Variants in COLGALT1 observed in about 807,000 individuals in gnomAD.
The protein encoded by COLGALT1 is collagen beta(1-O)galactosyltransferase 1.
COLGALT1 carries 43 observed loss-of-function variants against 60.8 expected under a neutral mutation model. The ratio of observed to expected loss-of-function variants is 0.71; its 90% CI spans 0.55 to 0.91. The LOEUF is 0.91. Among genes scored for constraint, COLGALT1 ranks in the 40% least tolerant of loss-of-function variants. The probability of loss-of-function intolerance (pLI) is 0.00; values close to 1 mark genes in which losing one functional copy is unlikely to be tolerated. For synonymous variants in COLGALT1, 369 were observed against 374.2 expected (o/e 0.99, Z 0.16); for missense variants, 845 against 880.0 (o/e 0.96, Z 0.50).
At chr19:17,560,308 A>T in intron 2 of COLGALT1, 40 bp from the exon 3 acceptor site, 1 of 1,555,988 alleles carries the variant, frequency 6.4e-7, no homozygotes, top group Non-Finnish European at 8.9e-7. Context: ...GGGCTTTGAT[A>T]GTGCCTTGTG....
Position 17,555,717 on chromosome 19 carries a change from G to T in COLGALT1, c.4G>T (p.Ala2Ser), listed in dbSNP as rs1282885686. 2.5e-6 allele frequency: 3 copies of T among 1,190,470 alleles called. No individual in the cohort carries two copies. Among genetic ancestry groups the T allele is most frequent in the African/African-American group, 3.2e-5 (2 of 62,578 alleles). The allele number at this position is 1,190,470 out of a possible 1,614,324, so 73.7% of individuals were successfully genotyped here. A position where few individuals can be genotyped will look rare whatever the true frequency, so the allele number is the denominator to read the frequency against. The change falls in exon 1 of 12, where the codon GCG (alanine) becomes TCG (serine). Residue 2 changes from alanine to serine, a missense_variant. Ala to Ser is a moderately conservative substitution (Grantham distance 99, BLOSUM62 1). Transcript: ENST00000252599. Reference sequence around the variant, plus strand: ...CTTAAAGGAGACGCGTGGCGCGATGGCGGCGGCCCCACGCGCGGGCCGGCG... The same window carrying T: ...CTTAAAGGAGACGCGTGGCGCGATGTCGGCGGCCCCACGCGCGGGCCGGCG... Reference protein sequence around the residue: MAAAPRAGRRRG... With the variant: MSAAPRAGRRRG...
intron 3 of COLGALT1, among the ~76,000 whole-genome samples, chr19:17,563,624 C>T (rs759183520): frequency 2.6e-5 from 4 of 152,120 alleles, no homozygotes; most frequent in Non-Finnish European, 5.9e-5. Context: ...GCTGGGATTA[C>T]AGGCGTGAGC....
intron 6 of COLGALT1, 88 bp from the exon 7 acceptor site, chr19:17,577,107 G>A: frequency 2.2e-6 from 3 of 1,343,156 alleles, no homozygotes; most frequent in Admixed American, 1.8e-5. Context: ...CAGTCTGACT[G>A]GGAGCCATGG....
chr19:17,575,062 A>T (rs905160815), intron 6 of COLGALT1, among the ~76,000 whole-genome samples: 3 of 151,296 alleles, frequency 2.0e-5, no homozygotes, highest in African/African-American at 7.3e-5. Context: ...TTTGGTTTTT[A>T]TTTTTTTGAG....
At chr19:17,556,820 G>A (rs1200585006) in intron 1 of COLGALT1, 1 of 152,296 alleles carries the variant, frequency 6.6e-6, no homozygotes, top group Non-Finnish European at 1.5e-5. Context: ...GGCTGACGCA[G>A]GAGAATCGCT....
intron 3 of COLGALT1, among the ~76,000 whole-genome samples, chr19:17,561,149 G>A (rs929508038): frequency 3.3e-5 from 5 of 151,730 alleles, no homozygotes; most frequent in African/African-American, 1.2e-4. Flanking sequence ...AGGTTGCAGT[G>A]AGCCGAGATC....
At chr19:17,567,280 A>G in intron 3 of COLGALT1, 126 bp from the exon 4 acceptor site, 2 of 1,270,648 alleles carry the variant, frequency 1.6e-6, no homozygotes, top group Non-Finnish European at 1.1e-6. Flanking sequence ...GCTTCATTTC[A>G]TCCGGTGTAG....
At position 17,568,694 on chromosome 19, in the gene COLGALT1, C is replaced by T; in HGVS notation, c.810C>T (p.Ala270=). The T allele has an allele frequency of 1.2e-6, 2 of 1,614,186 alleles. No individual in the cohort carries two copies. The highest frequency in any genetic ancestry group is 1.7e-6 in the Non-Finnish European group (2 of 1,180,036). The change falls in exon 5 of 12, where the codon GCC becomes GCT. Residue 270 remains alanine (A), a synonymous_variant. Coordinates refer to ENST00000252599, the MANE Select transcript of COLGALT1 (RefSeq NM_024656.4). ...CCTTTGACGACATCATCGTCTTTGC[C>T]TTCTCCTGCAAGCAGGCAGGTACGT... The part of the protein sequence containing the change: ...TWSFDDIIVF[A]FSCKQAEVQM...
chr19:17,577,268 C>A lies in COLGALT1; in HGVS notation c.1023C>A (p.Asp341Glu). ...PTKTPDKMGF[D>E]EVFMINLRRR... ...AGACACCGGACAAGATGGGCTTCGA[C>A]GAGGTGAGCTGGGCCTTCCCTGGAG... The change falls in exon 7 of 12, where the codon GAC (aspartate) becomes GAA (glutamate). Residue 341 changes from aspartate (D) to glutamate (E), a missense_variant. Coordinates refer to ENST00000252599, the MANE Select transcript of COLGALT1 (RefSeq NM_024656.4). 9 of 1,613,056 alleles carry A rather than the reference C, an allele frequency of 5.6e-6. No individual in the cohort carries two copies. Among genetic ancestry groups the A allele is most frequent in the Non-Finnish European group, 7.6e-6 (9 of 1,179,618 alleles).
At chr19:17,576,478 A>G (rs2076340825) in intron 6 of COLGALT1, among the ~76,000 whole-genome samples, 1 of 150,234 alleles carries the variant, frequency 6.7e-6, no homozygotes, top group Non-Finnish European at 1.5e-5. Context: ...GCTGGGGGGT[A>G]GAGTGAAGCT....
At chr19:17,569,086 G>A (rs774917775) in intron 5 of COLGALT1, among the ~76,000 whole-genome samples, 15 of 151,902 alleles carry the variant, frequency 9.9e-5, no homozygotes, top group Non-Finnish European at 2.1e-4. Flanking sequence ...AAAATTAGCC[G>A]GACGTGGTGG....
intron 1 of COLGALT1, among the ~76,000 whole-genome samples, chr19:17,558,704 A>G (rs998446767): frequency 6.6e-6 from 1 of 151,580 alleles, no homozygotes; most frequent in Admixed American, 6.6e-5. Flanking sequence ...TAAGTGACAC[A>G]TATTTGTTAG....
chr19:17,556,009 C>T (rs1017893273), intron 1 of COLGALT1, 36 bp downstream of exon 1: 29 of 1,288,376 alleles, frequency 2.3e-5, no homozygotes, highest in Non-Finnish European at 2.7e-5. Context: ...AGGCGGGTCA[C>T]GCGAGCCCCT....
In COLGALT1 at chr19:17,560,415, C is replaced by T. The variant is rs769784776; in HGVS notation, c.439C>T (p.Arg147Cys). Residue 147 changes from arginine to cysteine, a missense_variant, in exon 3 of 12, where the codon CGC becomes TGC. Arg to Cys is a radical substitution (Grantham distance 180). Coordinates refer to ENST00000252599, the MANE Select transcript of COLGALT1 (RefSeq NM_024656.4). ...ACGCTACGAGCATGTCATGAAGTTGCGCCAGGCAGCCCTGAAATCAGCTCG... is the reference window on the plus strand; with the variant it reads ...ACGCTACGAGCATGTCATGAAGTTGTGCCAGGCAGCCCTGAAATCAGCTCG... ...DSRYEHVMKLRQAALKSARDM... is the reference protein window; with the variant it reads ...DSRYEHVMKLCQAALKSARDM... 12 of 1,614,114 alleles carry T rather than the reference C, an allele frequency of 7.4e-6. No individual in the cohort carries two copies. The highest frequency in any genetic ancestry group is 2.2e-5 in the East Asian group (1 of 44,872).
chr19:17,568,817 A>C, intron 5 of COLGALT1, 104 bp downstream of exon 5: 2 of 1,151,200 alleles, frequency 1.7e-6, no homozygotes, highest in Non-Finnish European at 2.5e-6. Flanking sequence ...AACCCAAACA[A>C]TGCAGCGCAG....
chr19:17,555,839 C>T lies in COLGALT1; in HGVS notation c.126C>T (p.Arg42=), dbSNP rs1256364762. Residue 42 remains arginine, a synonymous_variant, in exon 1 of 12, where the codon CGC becomes CGT. Transcript: ENST00000252599. ...PGADAYFPEE[R]WSPESPLQAP... ...CCGACGCCTACTTCCCCGAGGAGCG[C>T]TGGAGCCCGGAGTCGCCCCTGCAGG... 1.5e-6 allele frequency: 2 copies of T among 1,344,740 alleles called. No homozygotes were observed. Among genetic ancestry groups the T allele is most frequent in the South Asian group, 3.4e-5 (2 of 58,202 alleles). 83.3% of individuals were successfully genotyped at this position (1,344,740 alleles called of 1,614,324 possible).
chr19:17,573,548 A>T (rs969954020), intron 6 of COLGALT1, among the ~76,000 whole-genome samples: 9 of 151,708 alleles, frequency 5.9e-5, no homozygotes, highest in Admixed American at 1.3e-4. Flanking sequence ...ATTTTTTTTT[A>T]ATTAGTCCGA....
chr19:17,577,957 A>G lies in COLGALT1; in HGVS notation c.1134A>G (p.Lys378=). 6.2e-7 allele frequency: 1 copy of G among 1,607,906 alleles called. No homozygotes were observed. Among genetic ancestry groups the G allele is most frequent in the Non-Finnish European group, 8.5e-7 (1 of 1,177,304 alleles). The change falls in exon 9 of 12, where the codon AAA becomes AAG. Residue 378 remains lysine, a splice_region_variant and synonymous_variant. Transcript: ENST00000252599. ...GTGACCCTCTCCTCCTCCTCTCCAG[A>G]GCCATGAACACCAGCCAGGTGGAGG... ...ECRLVEAVDG[K]AMNTSQVEAL...
intron 9 of COLGALT1, 64 bp from the exon 10 acceptor site, chr19:17,579,418 T>C: frequency 1.2e-6 from 2 of 1,607,998 alleles, no homozygotes; most frequent in Non-Finnish European, 1.7e-6. Context: ...AAAGCAAAGC[T>C]CTGTGCTTTA....
Sources: gnomAD v4.1 joint callset for allele counts (sites outside exome capture counted in the v4.1 genomes callset) on GRCh38, gnomAD v4.1.1 for gene constraint, MANE v1.5 for transcripts, NCBI Gene and HGNC (gene_info 2026-07-23, HGNC 2026-07-21) for gene names.